SUSD1: variants seen among roughly 807,000 people sequenced by gnomAD.
The protein encoded by SUSD1 is sushi domain-containing protein 1.
In SUSD1, 65 loss-of-function variants were observed where a neutral mutation model predicts 86.9. That is an observed-to-expected ratio of 0.75 (90% confidence interval 0.61 to 0.92). The LOEUF (loss-of-function observed/expected upper bound fraction) is 0.92. Among genes scored for constraint, SUSD1 ranks in the 40% least tolerant of loss-of-function variants. SUSD1 has a pLI of 0.00. For missense variants in SUSD1, 850 were observed against 929.7 expected (o/e 0.91, Z 1.11); for synonymous variants, 346 against 350.0 (o/e 0.99, Z 0.13).
At chr9:112,127,133 A>G (rs1831807825) in intron 5 of SUSD1, among the ~76,000 whole-genome samples, 1 of 152,158 alleles carries the variant, frequency 6.6e-6, no homozygotes, top group Non-Finnish European at 1.5e-5. Context: ...GCACTTTGGG[A>G]GGCCGAGGCA....
chr9:112,141,200 A>G (rs1832546870), intron 5 of SUSD1, among the ~76,000 whole-genome samples: 1 of 152,248 alleles, frequency 6.6e-6, no homozygotes, highest in Admixed American at 6.5e-5. Context: ...TACACCAGCA[A>G]TGCCACAAAC....
intron 12 of SUSD1, among the ~76,000 whole-genome samples, chr9:112,065,686 G>A (rs1002586567): frequency 6.6e-6 from 1 of 152,194 alleles, no homozygotes; most frequent in South Asian, 2.1e-4. Context: ...ATAATACGAT[G>A]TAGTGGGTAG....
intron 13 of SUSD1, among the ~76,000 whole-genome samples, chr9:112,062,678 G>C (rs1828782013): frequency 6.6e-6 from 1 of 151,850 alleles, no homozygotes; most frequent in African/African-American, 2.4e-5. Context: ...CTGTATGATG[G>C]GAGTGACACT....
At chr9:112,048,795 G>A (rs1452508170) in intron 15 of SUSD1, among the ~76,000 whole-genome samples, 1 of 152,224 alleles carries the variant, frequency 6.6e-6, no homozygotes, top group Non-Finnish European at 1.5e-5. Flanking sequence ...GATAAGCAGA[G>A]ATTCACAGGT....
intron 1 of SUSD1, among the ~76,000 whole-genome samples, chr9:112,161,008 ATTTAACCATC>A (rs1373594662): frequency 1.3e-5 from 2 of 152,224 alleles, no homozygotes; most frequent in Non-Finnish European, 2.9e-5. Flanking sequence ...GGGTAAGTAT[ATTTAACCATC>A]TTAACACATT....
In SUSD1 at chr9:112,041,965, G is replaced by A; in HGVS notation, c.2150-5C>T. The A allele has an allele frequency of 1.2e-6, 2 of 1,613,576 alleles. No homozygotes were observed. The highest frequency in any genetic ancestry group is 1.7e-6 in the Non-Finnish European group (2 of 1,179,754). On this transcript the variant is annotated splice_polypyrimidine_tract_variant and splice_region_variant and intron_variant, in intron 15 of 16. Transcript: ENST00000374270. ...GCAGCAGCATGAGTGACGAATCTGT[G>A]GGACAAAACCACAGGCTTAGCCCAG...
At chr9:112,115,220 T>C (rs536035532) in intron 6 of SUSD1, among the ~76,000 whole-genome samples, 67 of 152,312 alleles carry the variant, frequency 4.4e-4, no homozygotes, top group African/African-American at 1.5e-3. Flanking sequence ...GAACCAATGC[T>C]AGCTTTGGAT....
intron 6 of SUSD1, among the ~76,000 whole-genome samples, chr9:112,117,027 C>A (rs1359825267): frequency 6.6e-6 from 1 of 152,326 alleles, no homozygotes; most frequent in South Asian, 2.1e-4. Context: ...GTAATCCCAG[C>A]TACTCAAGAG....
At chr9:112,083,328 A>G (rs1021033411) in intron 10 of SUSD1, among the ~76,000 whole-genome samples, 1 of 152,092 alleles carries the variant, frequency 6.6e-6, no homozygotes, top group Non-Finnish European at 1.5e-5. Flanking sequence ...CCTGAGTTCA[A>G]GCAATTCTCC....
At position 112,115,289 on chromosome 9, in the gene SUSD1, C is replaced by T. The variant is rs186413971; in HGVS notation, c.887-2421G>A. Among the ~76,000 whole-genome samples, 117 of 152,326 alleles carry T rather than the reference C, an allele frequency of 7.7e-4. 1 individual carries two copies. The highest frequency in any genetic ancestry group is 4.4e-3 in the Admixed American group (68 of 15,296). Reference sequence around the variant, plus strand: ...AGAGTTTATATCTTTACTAAATCATCCCTTCAGCAGCAATGCCTAGATTCT... The same window carrying T: ...AGAGTTTATATCTTTACTAAATCATTCCTTCAGCAGCAATGCCTAGATTCT... On this transcript the variant is annotated intron_variant, in intron 6 of 16. Coordinates refer to ENST00000374270, the MANE Select transcript of SUSD1 (RefSeq NM_022486.5).
chr9:112,062,967 C>T lies in SUSD1; in HGVS notation c.1820G>A (p.Arg607Lys). 1 of 1,613,416 alleles carries T rather than the reference C, an allele frequency of 6.2e-7. No homozygotes were observed. The highest frequency in any genetic ancestry group is 1.1e-5 in the South Asian group (1 of 91,052). The change falls in exon 13 of 17, where the codon AGG (arginine) becomes AAG (lysine). Residue 607 changes from arginine (R) to lysine (K), a missense_variant. Transcript: ENST00000374270. ...HRGPLPRLRL[R>K]KAKEKNGPIS... ...TGGTCCATTTTTCTCCTTGGCTTTC[C>T]TCAGTCTGAGGCGTGGTAGAGGTCC...
intron 1 of SUSD1, among the ~76,000 whole-genome samples, chr9:112,163,797 G>C (rs1833667342): frequency 6.6e-6 from 1 of 151,836 alleles, no homozygotes; most frequent in South Asian, 2.1e-4. Context: ...CCAGGAGTTT[G>C]AGACCAGCCT....
chr9:112,098,709 T>C lies in SUSD1; in HGVS notation c.1282-47A>G, dbSNP rs755199987. 3 of 1,573,474 alleles carry C rather than the reference T, an allele frequency of 1.9e-6. No individual in the cohort carries two copies. In the South Asian group the frequency reaches 3.4e-5, roughly 18 times the overall value. ...GTGTTACATTAGATTTTCCATTGAC[T>C]AACAGGTGCCTAGACTATTAGCAAA... On this transcript the variant is annotated intron_variant, in intron 9 of 16. Transcript: ENST00000374270.
intron 10 of SUSD1, among the ~76,000 whole-genome samples, chr9:112,086,822 A>AAAACAAAC (rs1007352466): frequency 1.3e-5 from 2 of 148,678 alleles, no homozygotes; most frequent in Non-Finnish European, 2.9e-5. Flanking sequence ...CAGTCTTATC[A>AAAACAAAC]AAACAAACAA....
intron 10 of SUSD1, among the ~76,000 whole-genome samples, chr9:112,089,756 G>T (rs544750993): frequency 6.8e-6 from 1 of 148,058 alleles, no homozygotes; most frequent in East Asian, 2.0e-4. Flanking sequence ...AAGTTGCAGC[G>T]AGCTGAGATC....
At chr9:112,082,047 C>G (rs564116772) in intron 10 of SUSD1, among the ~76,000 whole-genome samples, 1 of 152,134 alleles carries the variant, frequency 6.6e-6, no homozygotes, top group East Asian at 1.9e-4. Context: ...AAGAACAATA[C>G]AAGGATGTCT....
intron 15 of SUSD1, among the ~76,000 whole-genome samples, chr9:112,047,067 G>A (rs1827987518): frequency 2.0e-5 from 3 of 152,126 alleles, no homozygotes; most frequent in East Asian, 1.9e-4. Flanking sequence ...ACCTGAGACT[G>A]GGTAATTTAA....
chr9:112,070,808 C>T (rs1173797956), intron 12 of SUSD1, among the ~76,000 whole-genome samples: 1 of 152,106 alleles, frequency 6.6e-6, no homozygotes, highest in Non-Finnish European at 1.5e-5. Context: ...TGAAAAAAAG[C>T]TAGACAGTCT....
chr9:112,055,816 A>G (rs1354700523), intron 14 of SUSD1, among the ~76,000 whole-genome samples: 1 of 152,246 alleles, frequency 6.6e-6, no homozygotes, highest in African/African-American at 2.4e-5. Flanking sequence ...ATGGAATATT[A>G]TTCAGTCTTA....
Sources: gnomAD v4.1 joint callset for allele counts (sites outside exome capture counted in the v4.1 genomes callset) on GRCh38, gnomAD v4.1.1 for gene constraint, MANE v1.5 for transcripts, NCBI Gene and HGNC (gene_info 2026-07-23, HGNC 2026-07-21) for gene names.